ADGRE3: variants seen among roughly 807,000 people sequenced by gnomAD.
ADGRE3 encodes the protein EGF-like module receptor 3.
Under a neutral mutation model 80.1 loss-of-function variants are expected in ADGRE3, and 88 were observed. The ratio of observed to expected loss-of-function variants is 1.10; its 90% confidence interval spans 0.93 to 1.31. The LOEUF is 1.31. ADGRE3 is among the 40% of genes most tolerant of loss of function. The pLI is 0.00. For synonymous variants in ADGRE3, 281 were observed against 294.8 expected, an observed-to-expected ratio of 0.95 and a Z score of 0.48; for missense variants, 715 against 776.5, an observed-to-expected ratio of 0.92 and a Z score of 0.94.
At chr19:14,628,801 C>T (rs949763077) in intron 14 of ADGRE3, 31 of 240,746 alleles carry the variant, frequency 1.3e-4, no homozygotes, top group African/African-American at 4.4e-4. Flanking sequence ...GGGACAGTGA[C>T]AGCTTTAAGG....
chr19:14,614,576 G>A (rs975317079), downstream of ADGRE3, among the ~76,000 whole-genome samples: 2 of 151,402 alleles, frequency 1.3e-5, no homozygotes, highest in South Asian at 2.1e-4. Flanking sequence ...ACCAACGCCC[G>A]CCAATCTTTT....
intron 1 of ADGRE3, among the ~76,000 whole-genome samples, chr19:14,670,598 C>T (rs1434022292): frequency 6.6e-6 from 1 of 152,210 alleles, no homozygotes; most frequent in East Asian, 1.9e-4. Context: ...CCATGCCTTT[C>T]CAACATCCGA....
At chr19:14,655,806 G>C (rs1408950251) in intron 5 of ADGRE3, among the ~76,000 whole-genome samples, 2 of 151,938 alleles carry the variant, frequency 1.3e-5, no homozygotes, top group African/African-American at 4.8e-5. Context: ...GTAGTGATAA[G>C]TTTGTTAGAA....
intron 1 of ADGRE3, among the ~76,000 whole-genome samples, chr19:14,670,162 A>G (rs1211064341): frequency 1.3e-5 from 2 of 152,140 alleles, no homozygotes; most frequent in Non-Finnish European, 1.5e-5. Flanking sequence ...ATGGTCTCAT[A>G]TGATTATAGT....
At chr19:14,647,083 G>C in intron 8 of ADGRE3, 98 bp downstream of exon 8, 1 of 950,034 alleles carries the variant, frequency 1.1e-6, no homozygotes, top group East Asian at 2.4e-5. Context: ...CTACGACCCT[G>C]AACAGAGTGG....
At chr19:14,649,996 A>G (rs1302379080) in intron 7 of ADGRE3, among the ~76,000 whole-genome samples, 1 of 87,920 alleles carries the variant, frequency 1.1e-5, no homozygotes, top group Non-Finnish European at 2.4e-5. Flanking sequence ...CTCTCTCTCC[A>G]TCTCTCCCTC....
chr19:14,632,520 A>G (rs956446984), intron 13 of ADGRE3, among the ~76,000 whole-genome samples: 1 of 152,154 alleles, frequency 6.6e-6, no homozygotes, highest in Admixed American at 6.6e-5. Context: ...CAAATGTGGC[A>G]ACTGCAACTC....
chr19:14,659,360 C>T (rs1971873391), intron 4 of ADGRE3, among the ~76,000 whole-genome samples: 1 of 152,052 alleles, frequency 6.6e-6, no homozygotes, highest in African/African-American at 2.4e-5. Context: ...TCTTTTATTC[C>T]ATCTTGACTG....
chr19:14,646,214 C>CT (rs1439183910), intron 8 of ADGRE3, among the ~76,000 whole-genome samples: 1 of 152,130 alleles, frequency 6.6e-6, no homozygotes, highest in Non-Finnish European at 1.5e-5. Context: ...CCTCCGCCTC[C>CT]TGGGTTCAAG....
intron 15 of ADGRE3, among the ~76,000 whole-genome samples, chr19:14,620,548 T>TATATATATATATAATATA: frequency 4.0e-5 from 1 of 24,982 alleles, no homozygotes; most frequent in African/African-American, 2.1e-4. Flanking sequence ...TATATATATA[T>TATATATATATATAATATA]TATATATATA....
At chr19:14,646,724 C>T (rs958779293) in intron 8 of ADGRE3, among the ~76,000 whole-genome samples, 3 of 134,156 alleles carry the variant, frequency 2.2e-5, no homozygotes, top group Admixed American at 8.0e-5. Flanking sequence ...TCCTTCCTTC[C>T]TTCCTTCTTT....
At chr19:14,656,842 C>T (rs937139190) in intron 5 of ADGRE3, among the ~76,000 whole-genome samples, 14 of 152,124 alleles carry the variant, frequency 9.2e-5, no homozygotes, top group Admixed American at 3.3e-4. Context: ...TGAGGACTTC[C>T]GTACCCTCAC....
chr19:14,633,357 C>A, intron 11 of ADGRE3, 55 bp from the exon 12 acceptor site: 1 of 1,344,478 alleles, frequency 7.4e-7, no homozygotes, highest in South Asian at 1.3e-5. Context: ...TGCGTGAGAT[C>A]AACATAAAGT....
At chr19:14,659,737 C>T (rs1174143819) in intron 4 of ADGRE3, among the ~76,000 whole-genome samples, 1 of 139,150 alleles carries the variant, frequency 7.2e-6, no homozygotes, top group Non-Finnish European at 1.5e-5. Flanking sequence ...AGGAGAATCT[C>T]TTGAACCTAG....
At chr19:14,620,568 A>ATTTTTTTTTTTTTTTTTTT (rs1189295641) in intron 15 of ADGRE3, among the ~76,000 whole-genome samples, 2 of 11,060 alleles carry the variant, frequency 1.8e-4, no homozygotes, top group Non-Finnish European at 3.0e-4. Flanking sequence ...ATATATATAT[A>ATTTTTTTTTTTTTTTTTTT]TTTTTTTTTT....
At chr19:14,673,910 G>A (rs1000306271) in intron 1 of ADGRE3, among the ~76,000 whole-genome samples, 4 of 151,930 alleles carry the variant, frequency 2.6e-5, no homozygotes, top group Non-Finnish European at 4.4e-5. Flanking sequence ...AGTCTTCATC[G>A]TCTATCATTC....
rs534032807 is a variant in ADGRE3 at position 14,631,783 on chromosome 19, C to T, written c.1643+1138G>A. Among the ~76,000 whole-genome samples the T allele has an allele frequency of 1.1e-3, 164 of 152,104 alleles. 1 individual carries two copies. Among genetic ancestry groups the T allele is most frequent in the Non-Finnish European group, 1.5e-3 (100 of 67,990 alleles). ...CCTATTGTGTGTGTGTCGGTCTGTT[C>T]TACTTAAAAGTGCACAGAGAAAGCT... On this transcript the variant is annotated intron_variant, in intron 13 of 15. Transcript: ENST00000253673.
chr19:14,615,455 T>C (rs1201331369), downstream of ADGRE3, among the ~76,000 whole-genome samples: 1 of 151,924 alleles, frequency 6.6e-6, no homozygotes, highest in African/African-American at 2.4e-5. Flanking sequence ...TAAAAAAAAT[T>C]TTTTTTAGAG....
chr19:14,613,072 C>T, the ADGRE3 span, among the ~76,000 whole-genome samples: 7 of 151,794 alleles, frequency 4.6e-5, no homozygotes, highest in African/African-American at 9.7e-5. Context: ...ATTTCAGGCA[C>T]GTGCCACCAT....
Sources: allele counts gnomAD v4.1 joint callset (sites outside exome capture counted in the v4.1 genomes callset), GRCh38; gene constraint gnomAD v4.1.1; transcripts MANE v1.5; gene names NCBI Gene and HGNC (gene_info 2026-07-23, HGNC 2026-07-21).